Variants in ZMYM4 observed in about 807,000 individuals in gnomAD.
ZMYM4 encodes zinc finger MYM-type containing 4, also known as zinc finger MYM-type protein 4.
In ZMYM4, 31 loss-of-function variants were observed where a neutral mutation model predicts 183.2. That is an observed-to-expected ratio of 0.17 (90% CI 0.13 to 0.23). ZMYM4 has a LOEUF of 0.23. Among genes scored for constraint, ZMYM4 ranks in the 10% least tolerant of loss-of-function variants. The pLI, the probability that ZMYM4 is intolerant of heterozygous loss-of-function variation, is 1.00. For missense variants in ZMYM4, 1,273 were observed against 1,840.3 expected (o/e 0.69, Z 5.64); for synonymous variants, 592 against 631.2 (o/e 0.94, Z 0.93).
chr1:35,279,357 A>G (rs1047297747), intron 1 of ZMYM4, among the ~76,000 whole-genome samples: 1 of 152,218 alleles, frequency 6.6e-6, no homozygotes, highest in African/African-American at 2.4e-5. Context: ...AAGGGGGTCC[A>G]TATCATTAGA....
chr1:35,312,753 C>A (rs1641860407), intron 1 of ZMYM4, among the ~76,000 whole-genome samples: 1 of 140,476 alleles, frequency 7.1e-6, no homozygotes, highest in Non-Finnish European at 1.6e-5. Flanking sequence ...CAGAGTCTCA[C>A]TCTGTTGCCC....
In ZMYM4 at chr1:35,383,146, G is replaced by A. The variant is rs931809457; in HGVS notation, c.1569+1388G>A. On this transcript the variant is annotated intron_variant, in intron 9 of 29. Coordinates refer to ENST00000314607, the MANE Select transcript of ZMYM4 (RefSeq NM_005095.3). ...TAACAAATGTCTTTTATGTAGTTTT[G>A]TGTGTATTAGATTTGTATTTTATTA... 4.6e-5 allele frequency among the ~76,000 whole-genome samples: 7 copies of A among 152,230 alleles called. No individual in the cohort carries two copies. The East Asian group carries it at 1.4e-3, about 29-fold the overall frequency.
At chr1:35,354,885 T>C (rs1643759679) in intron 2 of ZMYM4, among the ~76,000 whole-genome samples, 1 of 152,106 alleles carries the variant, frequency 6.6e-6, no homozygotes, top group Non-Finnish European at 1.5e-5. Context: ...GGCAAATGTT[T>C]TTCTGTTAAG....
chr1:35,348,867 G>C (rs1476087516), intron 2 of ZMYM4, among the ~76,000 whole-genome samples: 1 of 152,160 alleles, frequency 6.6e-6, no homozygotes, highest in East Asian at 1.9e-4. Flanking sequence ...GTGAAAATTT[G>C]AGTGCTTTAG....
intron 7 of ZMYM4, among the ~76,000 whole-genome samples, chr1:35,376,044 T>G (rs1644327138): frequency 1.3e-5 from 2 of 151,938 alleles, no homozygotes; most frequent in African/African-American, 4.8e-5. Flanking sequence ...CTCCTGCTCT[T>G]CAGCCTAGGT....
Position 35,419,746 on chromosome 1 carries a change from G to A in ZMYM4, c.*69G>A, listed in dbSNP as rs1001124715. 4.0e-6 allele frequency: 6 copies of A among 1,496,542 alleles called. No individual in the cohort carries two copies. Among genetic ancestry groups the A allele is most frequent in the Non-Finnish European group, 5.5e-6 (6 of 1,085,222 alleles). The allele number at this position is 1,496,542 out of a possible 1,614,324, so 92.7% of individuals were successfully genotyped here. A position where few individuals can be genotyped will look rare whatever the true frequency, so the allele number is the denominator to read the frequency against. On this transcript the variant is annotated 3_prime_UTR_variant, in exon 30 of 30. Coordinates refer to ENST00000314607, the MANE Select transcript of ZMYM4 (RefSeq NM_005095.3). ...AAACTGTGAATGCATCCAGCTGTTGGAAAATGATGTATAAGTCTAAGTCCT... is the reference window on the plus strand; with the variant it reads ...AAACTGTGAATGCATCCAGCTGTTGAAAAATGATGTATAAGTCTAAGTCCT...
intron 28 of ZMYM4, 52 bp from the exon 29 acceptor site, chr1:35,418,391 A>G: frequency 6.3e-7 from 1 of 1,589,398 alleles, no homozygotes; most frequent in Non-Finnish European, 8.6e-7. Context: ...CTTGAGACTC[A>G]AAGAATAGAC....
chr1:35,338,939 A>G (rs1643086593), intron 2 of ZMYM4, among the ~76,000 whole-genome samples: 1 of 152,212 alleles, frequency 6.6e-6, no homozygotes, highest in African/African-American at 2.4e-5. Flanking sequence ...GCAGAAGTTA[A>G]TTGATTTTAA....
intron 18 of ZMYM4, among the ~76,000 whole-genome samples, chr1:35,395,758 T>G (rs1248757306): frequency 6.6e-6 from 1 of 152,192 alleles, no homozygotes; most frequent in Admixed American, 6.5e-5. Context: ...AACACAAAGT[T>G]TATTTTATAA....
At chr1:35,376,673 G>A (rs1248167419) in intron 7 of ZMYM4, among the ~76,000 whole-genome samples, 4 of 151,938 alleles carry the variant, frequency 2.6e-5, no homozygotes, top group South Asian at 2.1e-4. Flanking sequence ...ACAGGCACAC[G>A]CCACCATGCC....
intron 5 of ZMYM4, among the ~76,000 whole-genome samples, chr1:35,364,950 T>G (rs574067895): frequency 3.5e-4 from 54 of 152,332 alleles, no homozygotes; most frequent in Non-Finnish European, 6.5e-4. Context: ...GATTTGCCAG[T>G]CATTGTCCGT....
In ZMYM4 at chr1:35,283,172, A is replaced by ATT. The variant is rs374953287; in HGVS notation, c.39+14100_39+14101dup. On this transcript the variant is annotated intron_variant, in intron 1 of 29. Coordinates refer to ENST00000314607, the MANE Select transcript of ZMYM4 (RefSeq NM_005095.3). ...AGGTGTGTGCCATCATGCCTGGCTA[A>ATT]TTTTTTTTTTTTTTGTACTTTTAGT... Among the ~76,000 whole-genome samples the ATT allele has an allele frequency of 4.0e-4, 48 of 121,126 alleles. 1 individual carries two copies. The highest frequency in any genetic ancestry group is 4.9e-4 in the Non-Finnish European group (29 of 59,056). 79.5% of individuals were successfully genotyped at this position (121,126 alleles called of 152,430 possible).
At chr1:35,381,212 A>G in intron 7 of ZMYM4, 47 bp from the exon 8 acceptor site, 2 of 1,438,700 alleles carry the variant, frequency 1.4e-6, no homozygotes, top group Middle Eastern at 2.4e-4. Context: ...GAAAGGAAAA[A>G]GAAATGAATT....
chr1:35,327,772 A>C (rs1235792634), intron 2 of ZMYM4, among the ~76,000 whole-genome samples: 1 of 152,236 alleles, frequency 6.6e-6, no homozygotes, highest in Non-Finnish European at 1.5e-5. Context: ...TGTTCTCTAC[A>C]AGTGCTGCCA....
chr1:35,330,189 A>G (rs1412347993), intron 2 of ZMYM4, among the ~76,000 whole-genome samples: 1 of 142,968 alleles, frequency 7.0e-6, no homozygotes, highest in Non-Finnish European at 1.5e-5. Flanking sequence ...CTCCAGCCTG[A>G]GCTGCAGAGA....
At chr1:35,337,051 C>A (rs1643002799) in intron 2 of ZMYM4, among the ~76,000 whole-genome samples, 1 of 152,144 alleles carries the variant, frequency 6.6e-6, no homozygotes, top group African/African-American at 2.4e-5. Context: ...CCATGCTGAA[C>A]TTTGAGTCAA....
intron 1 of ZMYM4, among the ~76,000 whole-genome samples, chr1:35,293,099 C>T (rs949571298): frequency 5.3e-5 from 8 of 151,386 alleles, no homozygotes; most frequent in Admixed American, 5.3e-4. Context: ...CCCCTAGGCT[C>T]AAGCAACCCT....
At chr1:35,314,338 G>A (rs2148792091) in intron 1 of ZMYM4, among the ~76,000 whole-genome samples, 1 of 151,774 alleles carries the variant, frequency 6.6e-6, no homozygotes, top group Admixed American at 6.6e-5. Context: ...AGGCTGGAGT[G>A]CAGTGGCACA....
intron 26 of ZMYM4, among the ~76,000 whole-genome samples, chr1:35,409,538 C>A (rs1363114320): frequency 6.6e-6 from 1 of 151,792 alleles, no homozygotes; most frequent in Non-Finnish European, 1.5e-5. Flanking sequence ...CATTGGGAAT[C>A]TTTTTGTGTA....
Sources: allele counts gnomAD v4.1 joint callset (sites outside exome capture counted in the v4.1 genomes callset), GRCh38; gene constraint gnomAD v4.1.1; transcripts MANE v1.5; gene names NCBI Gene and HGNC (gene_info 2026-07-23, HGNC 2026-07-21).